PCBP3: variants seen among roughly 807,000 people sequenced by gnomAD.
PCBP3 encodes poly(rC)-binding protein 3.
A neutral mutation model predicts 52.7 loss-of-function variants in PCBP3; 25 were observed. That is an observed-to-expected ratio of 0.47 (90% CI 0.35 to 0.66). The LOEUF (loss-of-function observed/expected upper bound fraction) is 0.66. Among genes scored for constraint, PCBP3 ranks in the 30% least tolerant of loss-of-function variants. The pLI, the probability that PCBP3 is intolerant of heterozygous loss-of-function variation, is 0.01. For synonymous variants in PCBP3, 162 were observed against 183.0 expected (o/e 0.89, Z 0.93); for missense variants, 391 against 490.3 (o/e 0.80, Z 1.91).
chr21:45,794,916 C>T (rs2091840982), intron 4 of PCBP3, among the ~76,000 whole-genome samples: 1 of 148,714 alleles, frequency 6.7e-6, no homozygotes, highest in Admixed American at 6.8e-5. Context: ...GCGACAGAGC[C>T]AGACTCTGTC....
chr21:45,681,045 G>A (rs2081808685), intron 2 of PCBP3, among the ~76,000 whole-genome samples: 1 of 152,170 alleles, frequency 6.6e-6, no homozygotes, highest in African/African-American at 2.4e-5. Flanking sequence ...GTCCTTACAT[G>A]GCGGAAGGCA....
chr21:45,781,388 G>A (rs762844719), intron 4 of PCBP3, among the ~76,000 whole-genome samples: 1 of 152,198 alleles, frequency 6.6e-6, no homozygotes, highest in African/African-American at 2.4e-5. Context: ...ACGAAGACAT[G>A]TGACTGGCAT....
rs556125207 is a variant in PCBP3, at chr21:45,906,238, G to C, written c.340-3117G>C. On this transcript the variant is annotated intron_variant, in intron 9 of 17. Coordinates refer to ENST00000681687, the MANE Select transcript of PCBP3 (RefSeq NM_001384156.1). ...CACGTGGCTTTGGGAAGAATGGACA[G>C]CAAAGTTGTGTTTCGGTTCAGTACC... 1.1e-3 allele frequency among the ~76,000 whole-genome samples: 171 copies of C among 152,330 alleles called. 1 individual carries two copies. Among genetic ancestry groups the C allele is most frequent in the African/African-American group, 3.7e-3 (155 of 41,574 alleles).
At chr21:45,645,964 G>C (rs924010565) in intron 1 of PCBP3, among the ~76,000 whole-genome samples, 3 of 151,990 alleles carry the variant, frequency 2.0e-5, no homozygotes, top group African/African-American at 7.3e-5. Flanking sequence ...GGGCAGCTCT[G>C]ATGTCTCAGC....
At chr21:45,925,672 G>T (rs1234029472) in intron 13 of PCBP3, among the ~76,000 whole-genome samples, 1 of 151,990 alleles carries the variant, frequency 6.6e-6, no homozygotes, top group Non-Finnish European at 1.5e-5. Context: ...AAATCAGCTG[G>T]TGTACCAATA....
At chr21:45,646,107 C>CTCTCTGTGTGTGTGTG (rs1555895746) in intron 1 of PCBP3, among the ~76,000 whole-genome samples, 132 of 83,808 alleles carry the variant, frequency 1.6e-3, no homozygotes, top group Middle Eastern at 6.3e-3. Context: ...CTCTCTCTCT[C>CTCTCTGTGTGTGTGTG]TGTGTGTGTG....
intron 2 of PCBP3, among the ~76,000 whole-genome samples, chr21:45,702,811 T>C (rs2083213588): frequency 6.6e-6 from 1 of 152,280 alleles, no homozygotes; most frequent in South Asian, 2.1e-4. Flanking sequence ...CATGTGATGC[T>C]GTTTGATAGC....
chr21:45,938,950 C>T (rs2047040190), intron 16 of PCBP3, among the ~76,000 whole-genome samples: 1 of 152,242 alleles, frequency 6.6e-6, no homozygotes, highest in Admixed American at 6.5e-5. Flanking sequence ...AAGTGGACGT[C>T]CCTCCTGCAT....
At chr21:45,863,755 C>A (rs1425800592) in intron 5 of PCBP3, among the ~76,000 whole-genome samples, 1 of 152,098 alleles carries the variant, frequency 6.6e-6, no homozygotes, top group East Asian at 1.9e-4. Flanking sequence ...CTGCTTTGTT[C>A]CAAGGTAAGG....
chr21:45,727,685 G>T (rs531904838), intron 2 of PCBP3, among the ~76,000 whole-genome samples: 28 of 152,166 alleles, frequency 1.8e-4, no homozygotes, highest in Non-Finnish European at 3.7e-4. Context: ...GATTGGGGCA[G>T]GTGGGGAGTG....
chr21:45,863,641 A>G (rs2094594074), intron 5 of PCBP3, among the ~76,000 whole-genome samples: 1 of 152,192 alleles, frequency 6.6e-6, no homozygotes, highest in Admixed American at 6.5e-5. Flanking sequence ...AGAGCGAAGC[A>G]CCACTCTCCT....
At chr21:45,733,862 A>G (rs1018111554) in intron 2 of PCBP3, among the ~76,000 whole-genome samples, 2 of 152,046 alleles carry the variant, frequency 1.3e-5, no homozygotes, top group African/African-American at 2.4e-5. Context: ...CTGCCTCCTA[A>G]AGTGTATAAT....
At chr21:45,892,744 C>T (rs890980657) in intron 5 of PCBP3, among the ~76,000 whole-genome samples, 1 of 152,182 alleles carries the variant, frequency 6.6e-6, no homozygotes, top group Non-Finnish European at 1.5e-5. Context: ...CAGGTCTATG[C>T]ATGGACTGTC....
intron 4 of PCBP3, among the ~76,000 whole-genome samples, chr21:45,841,425 G>A (rs1295678742): frequency 4.0e-5 from 6 of 149,450 alleles, no homozygotes; most frequent in Non-Finnish European, 8.9e-5. Context: ...AAAAAATCTA[G>A]TTGGTTCGTG....
intron 2 of PCBP3, among the ~76,000 whole-genome samples, chr21:45,712,960 A>AG (rs1350614051): frequency 6.6e-6 from 1 of 152,050 alleles, no homozygotes; most frequent in African/African-American, 2.4e-5. Flanking sequence ...TCTGGGCTCA[A>AG]GTGATCCTCC....
At chr21:45,892,482 C>CGTGGGGGGGGAGGG (rs2095698920) in intron 5 of PCBP3, among the ~76,000 whole-genome samples, 1 of 117,962 alleles carries the variant, frequency 8.5e-6, no homozygotes, top group Non-Finnish European at 1.7e-5. Flanking sequence ...GGGGGGGGGG[C>CGTGGGGGGGGAGGG]GGTCCCGTCT....
chr21:45,731,530 C>A (rs1376161407), intron 2 of PCBP3, among the ~76,000 whole-genome samples: 1 of 152,198 alleles, frequency 6.6e-6, no homozygotes, highest in Non-Finnish European at 1.5e-5. Context: ...CTCTCTGGAT[C>A]TAACTGGCTT....
chr21:45,930,568 T>A (rs1639546504), intron 14 of PCBP3, among the ~76,000 whole-genome samples: 1 of 152,082 alleles, frequency 6.6e-6, no homozygotes, highest in East Asian at 1.9e-4. Context: ...TGTCCCTCCC[T>A]GCAGAGGCAG....
chr21:45,930,349 G>A (rs993670674), intron 14 of PCBP3, among the ~76,000 whole-genome samples: 13 of 152,272 alleles, frequency 8.5e-5, no homozygotes, highest in South Asian at 2.1e-4. Context: ...CCACTGGGCC[G>A]CCCTGGAGGC....
Sources: gnomAD v4.1 joint callset for allele counts (sites outside exome capture counted in the v4.1 genomes callset) on GRCh38, gnomAD v4.1.1 for gene constraint, MANE v1.5 for transcripts, NCBI Gene and HGNC (gene_info 2026-07-23, HGNC 2026-07-21) for gene names.